The following PALM2AKAP2 variants were observed in gnomAD, a reference collection of about 807,000 sequenced individuals.
PALM2AKAP2 encodes PALM2-AKAP2 fusion protein.
Under a neutral mutation model 71.5 loss-of-function variants are expected in PALM2AKAP2, and 37 were observed. The ratio of observed to expected loss-of-function variants is 0.52; its 90% CI spans 0.40 to 0.68. The LOEUF (loss-of-function observed/expected upper bound fraction) is 0.68, where lower values mean the gene tolerates loss of function less well. PALM2AKAP2 is among the 30% of genes least tolerant of loss of function. PALM2AKAP2 has a pLI of 0.00. For missense variants in PALM2AKAP2, 1,224 were observed against 1,191.8 expected (o/e 1.03, Z -0.40); for synonymous variants, 468 against 478.8 (o/e 0.98, Z 0.29).
At chr9:109,855,948 T>G (rs928930136) in intron 1 of PALM2AKAP2, among the ~76,000 whole-genome samples, 13 of 152,244 alleles carry the variant, frequency 8.5e-5, no homozygotes, top group Non-Finnish European at 1.8e-4. Context: ...TACCCCAATA[T>G]GTTTTTAAAA....
At chr9:109,854,209 C>T (rs563717478) in intron 1 of PALM2AKAP2, among the ~76,000 whole-genome samples, 1 of 152,202 alleles carries the variant, frequency 6.6e-6, no homozygotes, top group African/African-American at 2.4e-5. Flanking sequence ...CTGGGGGCAT[C>T]GTCTTAGACT....
chr9:109,757,856 C>A (rs1314545847), intron 1 of PALM2AKAP2, among the ~76,000 whole-genome samples: 1 of 151,952 alleles, frequency 6.6e-6, no homozygotes, highest in Non-Finnish European at 1.5e-5. Flanking sequence ...ATCTATGTAA[C>A]TTTTTATGTA....
At chr9:109,687,334 G>T (rs1273882992) in intron 1 of PALM2AKAP2, among the ~76,000 whole-genome samples, 1 of 152,152 alleles carries the variant, frequency 6.6e-6, no homozygotes, top group Admixed American at 6.5e-5. Flanking sequence ...TCTAATAGAA[G>T]GCTGTTTTGT....
chr9:110,034,207 G>T (rs573513090), intron 7 of PALM2AKAP2, among the ~76,000 whole-genome samples: 10 of 152,154 alleles, frequency 6.6e-5, no homozygotes, highest in African/African-American at 2.4e-4. Flanking sequence ...GCCCAGGCTG[G>T]AGTGCAACGG....
At chr9:109,779,504 A>T (rs975188248), upstream of PALM2AKAP2, among the ~76,000 whole-genome samples, 2 of 152,110 alleles carry the variant, frequency 1.3e-5, no homozygotes, top group African/African-American at 4.8e-5. Flanking sequence ...TTCGTCTCTA[A>T]TGACACCTAT....
chr9:110,123,067 C>G (rs1835524695), intron 1 of PALM2AKAP2, among the ~76,000 whole-genome samples: 1 of 152,190 alleles, frequency 6.6e-6, no homozygotes, highest in African/African-American at 2.4e-5. Context: ...GAGTATTTAT[C>G]TAACCTCAAC....
At chr9:109,697,903 G>A (rs921455147) in intron 1 of PALM2AKAP2, among the ~76,000 whole-genome samples, 4 of 152,146 alleles carry the variant, frequency 2.6e-5, no homozygotes, top group Non-Finnish European at 2.9e-5. Context: ...TCATTTTACC[G>A]CATTAATTAT....
intron 7 of PALM2AKAP2, among the ~76,000 whole-genome samples, chr9:110,017,569 A>C (rs1163697857): frequency 6.6e-6 from 1 of 152,224 alleles, no homozygotes; most frequent in Non-Finnish European, 1.5e-5. Context: ...TAGATTTGTT[A>C]TCTCAAAATC....
intron 1 of PALM2AKAP2, among the ~76,000 whole-genome samples, chr9:110,070,797 T>C (rs1834187513): frequency 6.6e-6 from 1 of 152,202 alleles, no homozygotes; most frequent in Non-Finnish European, 1.5e-5. Flanking sequence ...TTTGGCGTGC[T>C]ACTCTTCCTC....
chr9:109,776,466 T>C (rs1302994338), upstream of PALM2AKAP2, among the ~76,000 whole-genome samples: 1 of 152,178 alleles, frequency 6.6e-6, no homozygotes, highest in Non-Finnish European at 1.5e-5. Flanking sequence ...AGAAGGAAGC[T>C]TGGGCAATGG....
chr9:110,035,133 C>CT (rs1007289388), intron 7 of PALM2AKAP2, among the ~76,000 whole-genome samples: 7 of 147,322 alleles, frequency 4.8e-5, no homozygotes, highest in Non-Finnish European at 7.4e-5. Flanking sequence ...TTTACAAGTG[C>CT]TTTTTTTTCT....
rs183892709 is a variant in PALM2AKAP2, at chr9:109,670,795, A to C, written c.5+29929A>C. Among the ~76,000 whole-genome samples the C allele has an allele frequency of 1.1e-4, 17 of 152,022 alleles. No individual in the cohort carries two copies. In the East Asian group the frequency reaches 3.3e-3, roughly 29 times the overall value. On this transcript the variant is annotated intron_variant, in intron 1 of 6. Coordinates refer to the PALM2AKAP2 transcript ENST00000374531. ...CACCAGCATCTTTTATTTTTTGACT[A>C]TTTAATAATAGCCATTCTGAATGGT...
intron 6 of PALM2AKAP2, among the ~76,000 whole-genome samples, chr9:109,955,942 AAAAAC>A (rs930101753): frequency 4.6e-5 from 7 of 152,192 alleles, no homozygotes; most frequent in East Asian, 1.9e-4. Context: ...CTGTCTTAAA[AAAAAC>A]AAAACAAAAC....
chr9:109,817,011 TC>T (rs1464825061), intron 1 of PALM2AKAP2, among the ~76,000 whole-genome samples: 1 of 152,236 alleles, frequency 6.6e-6, no homozygotes, highest in African/African-American at 2.4e-5. Context: ...TCAACTTTAT[TC>T]AACCAGATTT....
At chr9:109,885,597 A>G (rs973087873) in intron 3 of PALM2AKAP2, among the ~76,000 whole-genome samples, 1 of 152,232 alleles carries the variant, frequency 6.6e-6, no homozygotes, top group African/African-American at 2.4e-5. Context: ...AATCATGTTT[A>G]TAAGAAAACT....
rs149781309 is a variant in PALM2AKAP2 at position 109,663,859 on chromosome 9, C to A, written c.5+22993C>A. ...AGGTCTCTAAGGACTTGCTTTATGA[C>A]TCTGGGTGCTGCTGTATTGGGTGCA... On this transcript the variant is annotated intron_variant, in intron 1 of 6. Coordinates refer to the PALM2AKAP2 transcript ENST00000374531. 4.7e-3 allele frequency among the ~76,000 whole-genome samples: 718 copies of A among 152,186 alleles called. 9 individuals carry two copies. Among genetic ancestry groups the A allele is most frequent in the African/African-American group, 0.016 (684 of 41,524 alleles).
chr9:109,754,480 A>C (rs1828929443), intron 1 of PALM2AKAP2, among the ~76,000 whole-genome samples: 1 of 152,150 alleles, frequency 6.6e-6, no homozygotes, highest in Non-Finnish European at 1.5e-5. Context: ...TTATAGTCAC[A>C]GTGTTCTATG....
At chr9:109,849,643 C>G (rs1828956093) in intron 1 of PALM2AKAP2, among the ~76,000 whole-genome samples, 1 of 152,150 alleles carries the variant, frequency 6.6e-6, no homozygotes, top group Non-Finnish European at 1.5e-5. Context: ...GTAATCCCAG[C>G]TACTCAGGAG....
chr9:109,842,559 T>C (rs1828726303), intron 1 of PALM2AKAP2, among the ~76,000 whole-genome samples: 2 of 152,146 alleles, frequency 1.3e-5, no homozygotes, highest in East Asian at 3.8e-4. Context: ...TAAAAGCTAA[T>C]TAAAATCTAT....
Sources: gnomAD v4.1 joint callset for allele counts (sites outside exome capture counted in the v4.1 genomes callset) on GRCh38, gnomAD v4.1.1 for gene constraint, MANE v1.5 for transcripts, NCBI Gene and HGNC (gene_info 2026-07-23, HGNC 2026-07-21) for gene names.